Variants in ZNF341 observed in about 807,000 individuals in gnomAD.
The protein encoded by ZNF341 is zinc finger protein 341.
A neutral mutation model predicts 87.7 loss-of-function variants in ZNF341; 52 were observed. The ratio of observed to expected loss-of-function variants is 0.59; its 90% CI spans 0.47 to 0.75. The LOEUF is 0.75. Among genes scored for constraint, ZNF341 ranks in the 30% least tolerant of loss-of-function variants. The probability of loss-of-function intolerance (pLI) is 0.00; values close to 1 mark genes in which losing one functional copy is unlikely to be tolerated. For missense variants in ZNF341, 977 were observed against 1,145.9 expected (o/e 0.85, Z 2.13); for synonymous variants, 459 against 472.7 (o/e 0.97, Z 0.38).
rs2019422213 is a variant in ZNF341 at position 33,767,040 on chromosome 20, AG to A, written c.1413+1del. The A allele has an allele frequency of 1.2e-5, 20 of 1,610,560 alleles. No individual in the cohort carries two copies. Among genetic ancestry groups the A allele is most frequent in the Non-Finnish European group, 1.5e-5 (18 of 1,177,930 alleles). ...CACATGACCCAGCATAAGAATGAGC[AG>A]GTAGGTGGATGGTGGCAGCAGGGGC... ...KSHMTQHKNEQVYKCVVKSCA... is the reference protein window; with the variant it reads ...KSHMTQHKNEXVYKCVVKSCA... On this transcript the variant is annotated frameshift_variant and splice_region_variant, in exon 9 of 15. Coordinates refer to ENST00000375200, the MANE Select transcript of ZNF341 (RefSeq NM_001282933.2). LOFTEE classifies it high-confidence loss of function.
At chr20:33,790,674 G>C (rs1270908963) in intron 14 of ZNF341, among the ~76,000 whole-genome samples, 1 of 152,176 alleles carries the variant, frequency 6.6e-6, no homozygotes, top group African/African-American at 2.4e-5. Flanking sequence ...GGCCTCAGGC[G>C]TCACGGCCCC....
At chr20:33,750,674 C>T (rs2019036930) in intron 4 of ZNF341, among the ~76,000 whole-genome samples, 1 of 151,392 alleles carries the variant, frequency 6.6e-6, no homozygotes, top group Non-Finnish European at 1.5e-5. Flanking sequence ...GAGTCTCGCT[C>T]TTGTCACCTA....
At chr20:33,765,953 G>T (rs1273204417) in intron 8 of ZNF341, among the ~76,000 whole-genome samples, 2 of 152,162 alleles carry the variant, frequency 1.3e-5, no homozygotes, top group Non-Finnish European at 2.9e-5. Context: ...CGCAATATTG[G>T]CTCACTGCGA....
At chr20:33,742,454 C>T (rs893987577) in intron 2 of ZNF341, among the ~76,000 whole-genome samples, 1 of 152,116 alleles carries the variant, frequency 6.6e-6, no homozygotes, top group African/African-American at 2.4e-5. Context: ...CTCGGCCTCC[C>T]AAAGTGCTGG....
chr20:33,741,083 T>A, intron 2 of ZNF341, 71 bp downstream of exon 2: 1 of 1,430,186 alleles, frequency 7.0e-7, no homozygotes, highest in East Asian at 2.3e-5. Context: ...GAGCTTGTGC[T>A]GGGCTGTGGG....
intron 1 of ZNF341, among the ~76,000 whole-genome samples, chr20:33,737,448 A>C (rs2018714243): frequency 6.6e-6 from 1 of 152,108 alleles, no homozygotes; most frequent in African/African-American, 2.4e-5. Flanking sequence ...CAGCCTCCCA[A>C]GTAGCTGGGA....
chr20:33,789,649 C>CCGCCAGGAAGAG (rs2019955626), intron 14 of ZNF341, 61 bp downstream of exon 14: 7 of 1,564,370 alleles, frequency 4.5e-6, no homozygotes, highest in Non-Finnish European at 6.2e-6. Flanking sequence ...TGGGATAGAC[C>CCGCCAGGAAGAG]CGCCAGGAAG....
chr20:33,742,018 C>G (rs6088289), intron 2 of ZNF341, among the ~76,000 whole-genome samples: 1 of 151,948 alleles, frequency 6.6e-6, no homozygotes. Flanking sequence ...CTGTGTTACG[C>G]GAAGTCCTGA....
rs564539496 is a variant in ZNF341, at chr20:33,770,896, A to G, written c.1622+604A>G. 2.6e-3 allele frequency among the ~76,000 whole-genome samples: 397 copies of G among 152,164 alleles called. 1 individual carries two copies. The highest frequency in any genetic ancestry group is 4.0e-3 in the Non-Finnish European group (272 of 67,982). ...AGCACTTTGGGAGGCTGAGGCGGGC[A>G]GATGATGAGGTCAGGAGATGGAGAC... On this transcript the variant is annotated intron_variant, in intron 10 of 14. Coordinates refer to ENST00000375200, the MANE Select transcript of ZNF341 (RefSeq NM_001282933.2).
Position 33,732,591 on chromosome 20 carries a change from C to A in ZNF341, c.31+539C>A, listed in dbSNP as rs74424190. On this transcript the variant is annotated intron_variant, in intron 1 of 14. Transcript: ENST00000375200. The surrounding 1 kb of genome is among the most constrained non-coding windows in gnomAD (Gnocchi z 4.5). ...ACAGCCTGGACTCAGAGCTTAGGGA[C>A]CCAAGCCAGCAAACACCTGGCGCCT... Among the ~76,000 whole-genome samples the A allele has an allele frequency of 7.5e-3, 1,138 of 152,348 alleles. 34 individuals carry two copies. The East Asian group carries it at 0.082, about 11-fold the overall frequency.
At chr20:33,786,442 A>G (rs1332274103) in intron 12 of ZNF341, among the ~76,000 whole-genome samples, 1 of 152,226 alleles carries the variant, frequency 6.6e-6, no homozygotes, top group Non-Finnish European at 1.5e-5. Flanking sequence ...TGCATGTGTA[A>G]TACTGAGTTT....
chr20:33,786,316 G>A (rs909696414), intron 12 of ZNF341, among the ~76,000 whole-genome samples: 5 of 152,194 alleles, frequency 3.3e-5, no homozygotes, highest in Middle Eastern at 3.4e-3. Flanking sequence ...TGTATGAACC[G>A]TTAAATTACA....
At chr20:33,752,419 A>G (rs1278963039) in intron 4 of ZNF341, 2 of 621,630 alleles carry the variant, frequency 3.2e-6, no homozygotes, top group Non-Finnish European at 3.1e-6. Flanking sequence ...GTGCCTGAGG[A>G]GCACGCTTCT....
chr20:33,780,017 G>A (rs889244498), intron 10 of ZNF341, among the ~76,000 whole-genome samples: 2 of 152,228 alleles, frequency 1.3e-5, no homozygotes, highest in Admixed American at 6.5e-5. Flanking sequence ...CAGGTAAGAA[G>A]TGGTAAGAAG....
intron 10 of ZNF341, 135 bp downstream of exon 10, chr20:33,770,427 G>A (rs1364133448): frequency 4.8e-6 from 4 of 841,950 alleles, no homozygotes; most frequent in Non-Finnish European, 7.3e-6. Flanking sequence ...TCCTGGCTGG[G>A]GTCCAGCCTG....
intron 4 of ZNF341, among the ~76,000 whole-genome samples, chr20:33,749,718 G>A (rs2019014583): frequency 6.7e-6 from 1 of 150,066 alleles, no homozygotes; most frequent in African/African-American, 2.5e-5. Context: ...AGGATTACAG[G>A]TGTGAGCCAC....
At chr20:33,736,769 A>G (rs1352063012) in intron 1 of ZNF341, among the ~76,000 whole-genome samples, 1 of 152,232 alleles carries the variant, frequency 6.6e-6, no homozygotes, top group African/African-American at 2.4e-5. Context: ...CACAAATGCT[A>G]AAACACTCAC....
In ZNF341 at chr20:33,788,943, G is replaced by A. The variant is rs1247018390; in HGVS notation, c.1933G>A (p.Glu645Lys). The A allele has an allele frequency of 9.3e-6, 15 of 1,613,974 alleles. No individual in the cohort carries two copies. The highest frequency in any genetic ancestry group is 1.1e-5 in the Non-Finnish European group (13 of 1,179,990). The part of the protein sequence containing the change: ...DKLKRHMLIH[E>K]PFKKYKCPFS... ...ACTGAAGAGACACATGTTGATCCAC[G>A]AGCCCTTCAAGAAATACAAATGCCC... The change falls in exon 13 of 15, where the codon GAG becomes AAG. Residue 645 changes from glutamate (E) to lysine (K), a missense_variant. Transcript: ENST00000375200.
At position 33,778,732 on chromosome 20, in the gene ZNF341, GC is replaced by G. The variant is rs2019677255; in HGVS notation, c.1623-2557del. 3.3e-5 allele frequency among the ~76,000 whole-genome samples: 5 copies of G among 152,356 alleles called. No individual in the cohort carries two copies. In the South Asian group the frequency reaches 1.0e-3, roughly 32 times the overall value. ...TTTCCCACAGGCAGTACTCTACACA[GC>G]CTGCCTTTTGGTTTTTGCTTTGAAT... On this transcript the variant is annotated intron_variant, in intron 10 of 14. Coordinates refer to ENST00000375200, the MANE Select transcript of ZNF341 (RefSeq NM_001282933.2).
Sources: allele counts gnomAD v4.1 joint callset (sites outside exome capture counted in the v4.1 genomes callset), GRCh38; gene constraint gnomAD v4.1.1; non-coding constraint Gnocchi (gnomAD v3.1); transcripts MANE v1.5; gene names NCBI Gene and HGNC (gene_info 2026-07-23, HGNC 2026-07-21).